DPP10: variants seen among roughly 807,000 people sequenced by gnomAD.
DPP10 encodes the protein inactive dipeptidyl peptidase 10.
In DPP10, 33 loss-of-function variants were observed where a neutral mutation model predicts 120.9. The observed-to-expected ratio is 0.27, with a 90% confidence interval of 0.21 to 0.37. The LOEUF (loss-of-function observed/expected upper bound fraction) is 0.37, where lower values mean the gene tolerates loss of function less well. Among genes scored for constraint, DPP10 ranks in the 10% least tolerant of loss-of-function variants. DPP10 has a pLI of 1.00. For synonymous variants in DPP10, 337 were observed against 326.1 expected, an observed-to-expected ratio of 1.03 and a Z score of -0.36; for missense variants, 816 against 942.8, an observed-to-expected ratio of 0.87 and a Z score of 1.76.
At chr2:115,495,122 G>A (rs763123422) in intron 3 of DPP10, among the ~76,000 whole-genome samples, 8 of 151,866 alleles carry the variant, frequency 5.3e-5, no homozygotes, top group Admixed American at 1.3e-4. Flanking sequence ...TACAAGAGTC[G>A]GAGTGTCCAG....
rs542091506 is a variant in DPP10 at position 115,747,705 on chromosome 2, TGCCTCA to T, written c.950+1527_950+1532del. On this transcript the variant is annotated intron_variant, in intron 10 of 25. Transcript: ENST00000410059. ...GCCTCCCAGGTTCACGCCATTCTCT[TGCCTCA>T]GCCTACTGAATAGCTGGGAGTACAG... 3.3e-5 allele frequency among the ~76,000 whole-genome samples: 5 copies of T among 152,088 alleles called. No homozygotes were observed. The South Asian group carries it at 1.0e-3, about 32-fold the overall frequency.
chr2:115,711,745 T>C (rs1386473269), intron 7 of DPP10, among the ~76,000 whole-genome samples: 1 of 152,092 alleles, frequency 6.6e-6, no homozygotes, highest in East Asian at 1.9e-4. Context: ...TTTGCTGACA[T>C]TGAGTTGACA....
intron 1 of DPP10, among the ~76,000 whole-genome samples, chr2:114,890,773 T>C (rs1258667679): frequency 6.6e-6 from 1 of 152,226 alleles, no homozygotes; most frequent in South Asian, 2.1e-4. Context: ...ATCCTATTTA[T>C]TGAGAATTGT....
chr2:115,161,771 A>C, intron 1 of DPP10: 1 of 496,100 alleles, frequency 2.0e-6, no homozygotes, highest in Non-Finnish European at 3.3e-6. Context: ...CGAGGGAGGG[A>C]CCCTACGACG....
chr2:115,518,074 C>T (rs192858490), intron 4 of DPP10, among the ~76,000 whole-genome samples: 2 of 152,254 alleles, frequency 1.3e-5, no homozygotes, highest in East Asian at 1.9e-4. Flanking sequence ...CTCTTTTTAA[C>T]AACCAGCTCT....
chr2:114,832,681 A>T lies in DPP10; in HGVS notation c.60+389843A>T, dbSNP rs564210662. ...TGGGCAAATATTATTTTTCCTATTT[A>T]CAGAGATATCTAATAGCCCAAACAA... On this transcript the variant is annotated intron_variant, in intron 1 of 25. Transcript: ENST00000410059. 3.9e-5 allele frequency among the ~76,000 whole-genome samples: 6 copies of T among 152,354 alleles called. No homozygotes were observed. The East Asian group carries it at 9.6e-4, about 24-fold the overall frequency.
At chr2:114,899,026 A>T (rs950849244) in intron 1 of DPP10, among the ~76,000 whole-genome samples, 3 of 152,070 alleles carry the variant, frequency 2.0e-5, no homozygotes, top group African/African-American at 7.2e-5. Flanking sequence ...GAGAGGTATG[A>T]CACAGGAAAA....
At chr2:115,199,110 A>G (rs12616330) in intron 1 of DPP10, among the ~76,000 whole-genome samples, 56,341 of 151,968 alleles carry the variant, frequency 0.37, 12,633 homozygotes, top group Non-Finnish European at 0.5. Context: ...AAGTTCAGAT[A>G]TAACTTTTAT....
chr2:114,916,020 C>G (rs1574479644), intron 1 of DPP10, among the ~76,000 whole-genome samples: 1 of 151,020 alleles, frequency 6.6e-6, no homozygotes, highest in East Asian at 1.9e-4. Context: ...ACACATGAAT[C>G]CATAAAAAAG....
At chr2:114,606,611 G>A (rs937215136) in intron 1 of DPP10, among the ~76,000 whole-genome samples, 2 of 152,124 alleles carry the variant, frequency 1.3e-5, no homozygotes, top group Non-Finnish European at 2.9e-5. Flanking sequence ...TGGAAGGGGA[G>A]AAGACAAATG....
At chr2:115,489,498 A>T (rs1017797479) in intron 3 of DPP10, among the ~76,000 whole-genome samples, 2 of 151,978 alleles carry the variant, frequency 1.3e-5, no homozygotes, top group South Asian at 4.1e-4. Flanking sequence ...GTTAAAATAG[A>T]GATCACAAGA....
intron 7 of DPP10, among the ~76,000 whole-genome samples, chr2:115,722,244 C>A (rs4849422): frequency 0.97 from 146,856 of 151,880 alleles, 71,213 homozygotes; most frequent in Middle Eastern, 1. Flanking sequence ...GGTAGATTTC[C>A]TGTTGTGTTC....
At chr2:115,709,929 G>T (rs904703096) in intron 7 of DPP10, among the ~76,000 whole-genome samples, 15 of 152,016 alleles carry the variant, frequency 9.9e-5, no homozygotes, top group Non-Finnish European at 1.9e-4. Flanking sequence ...TATTCAAGGT[G>T]CTCAGTGAAC....
chr2:114,900,383 C>G (rs1451577595), intron 1 of DPP10, among the ~76,000 whole-genome samples: 1 of 152,122 alleles, frequency 6.6e-6, no homozygotes, highest in Non-Finnish European at 1.5e-5. Context: ...CCAGTGGCTC[C>G]CCTTCCTTAC....
intron 3 of DPP10, among the ~76,000 whole-genome samples, chr2:115,498,010 C>T (rs1307618315): frequency 6.6e-6 from 1 of 151,500 alleles, no homozygotes; most frequent in Non-Finnish European, 1.5e-5. Context: ...GTGATACAGG[C>T]CTTAATTTAA....
chr2:114,553,735 T>C (rs551175856), intron 1 of DPP10, among the ~76,000 whole-genome samples: 1 of 152,254 alleles, frequency 6.6e-6, no homozygotes, highest in East Asian at 1.9e-4. Flanking sequence ...ATTCAAACAG[T>C]AGAAGTATGA....
intron 1 of DPP10, among the ~76,000 whole-genome samples, chr2:114,695,478 G>T (rs1399408520): frequency 6.6e-6 from 1 of 151,976 alleles, no homozygotes; most frequent in Non-Finnish European, 1.5e-5. Flanking sequence ...TTCACACACA[G>T]ATGTCCATAT....
At chr2:115,342,453 A>C (rs926106163) in intron 2 of DPP10, among the ~76,000 whole-genome samples, 5 of 151,976 alleles carry the variant, frequency 3.3e-5, no homozygotes, top group African/African-American at 1.2e-4. Context: ...TCCTCAAGTG[A>C]TCCACCCGCC....
chr2:115,279,596 T>C (rs1373596335), intron 1 of DPP10, among the ~76,000 whole-genome samples: 7 of 151,524 alleles, frequency 4.6e-5, no homozygotes, highest in Non-Finnish European at 1.0e-4. Flanking sequence ...GAATTTTGGG[T>C]AGCATTTTTC....
Sources: gnomAD v4.1 joint callset for allele counts (sites outside exome capture counted in the v4.1 genomes callset) on GRCh38, gnomAD v4.1.1 for gene constraint, MANE v1.5 for transcripts, NCBI Gene and HGNC (gene_info 2026-07-23, HGNC 2026-07-21) for gene names.